The following KIAA1143 variants were observed in gnomAD, a reference collection of about 807,000 sequenced individuals.
The protein encoded by KIAA1143 is KIAA1143.
KIAA1143 carries 8 observed loss-of-function variants against 17.0 expected under a neutral mutation model. That is an observed-to-expected ratio of 0.47 (90% CI 0.28 to 0.85). KIAA1143 has a LOEUF of 0.85. Ranked by LOEUF, KIAA1143 falls within the 40% of genes least tolerant of loss-of-function variation. The pLI, the probability that KIAA1143 is intolerant of heterozygous loss-of-function variation, is 0.12. For synonymous variants in KIAA1143, 64 were observed against 67.8 expected, an observed-to-expected ratio of 0.94 and a Z score of 0.27; for missense variants, 162 against 183.3, an observed-to-expected ratio of 0.88 and a Z score of 0.67.
At chr3:44,754,128 C>A in intron 2 of KIAA1143, 96 bp downstream of exon 2, 25 of 1,299,672 alleles carry the variant, frequency 1.9e-5, no homozygotes, top group Non-Finnish European at 2.7e-5. Flanking sequence ...CCCGGAACTG[C>A]CACCTTGAAA....
At chr3:44,755,009 G>A (rs969160052) in intron 1 of KIAA1143, among the ~76,000 whole-genome samples, 1 of 152,042 alleles carries the variant, frequency 6.6e-6, no homozygotes, top group Non-Finnish European at 1.5e-5. Context: ...TGTACTCCCT[G>A]TATATGTGTA....
intron 1 of KIAA1143, among the ~76,000 whole-genome samples, chr3:44,754,777 A>T (rs1704943840): frequency 6.6e-6 from 1 of 152,226 alleles, no homozygotes; most frequent in East Asian, 1.9e-4. Context: ...GAAAGCAGCA[A>T]GTAAAACGTA....
rs527806223 is a variant in KIAA1143 at position 44,759,894 on chromosome 3, C to CAAAAAAAAAAAAAAAA, written c.108+1585_108+1600dup. On this transcript the variant is annotated intron_variant, in intron 1 of 2. Transcript: ENST00000296121. The stretch of plus-strand genomic sequence containing the variant: ...TGGGCGACAGAGTGAGACCCTATCT[C>CAAAAAAAAAAAAAAAA]AAAAAAAAAAAAAAAAAAAAAGTCC... Among the ~76,000 whole-genome samples, 258 of 51,032 alleles carry CAAAAAAAAAAAAAAAA rather than the reference C, an allele frequency of 5.1e-3. 32 individuals are homozygous for CAAAAAAAAAAAAAAAA. Among genetic ancestry groups the CAAAAAAAAAAAAAAAA allele is most frequent in the Non-Finnish European group, 6.0e-3 (164 of 27,314 alleles). 33.5% of individuals were successfully genotyped at this position (51,032 alleles called of 152,430 possible). A position where few individuals can be genotyped will look rare whatever the true frequency, so the allele number is the denominator to read the frequency against.
chr3:44,754,307 G>A lies in KIAA1143; in HGVS notation c.170C>T (p.Pro57Leu), dbSNP rs1704934337. 6.2e-7 allele frequency: 1 copy of A among 1,613,840 alleles called. No individual in the cohort carries two copies. The highest frequency in any genetic ancestry group is 8.5e-7 in the Non-Finnish European group (1 of 1,179,800). The change falls in exon 2 of 3, where the codon CCT becomes CTT. Residue 57 changes from proline to leucine, a missense_variant. Pro to Leu is a moderately conservative substitution (Grantham distance 98, BLOSUM62 -3). Around this residue, in one of 2 missense-constraint regions of KIAA1143, gnomAD observed 137 missense variants for 132.5 expected, o/e 1.03. Coordinates refer to ENST00000296121, the MANE Select transcript of KIAA1143 (RefSeq NM_020696.4). ...TCCCTTTTTTAAAACCACCACTTGAGGCTGTTCATCTTCTTTGTCACTGTG... is the reference window on the plus strand; with the variant it reads ...TCCCTTTTTTAAAACCACCACTTGAAGCTGTTCATCTTCTTTGTCACTGTG... ...GDHSDKEDEQ[P>L]QVVVLKKGDL... is the part of the protein sequence containing the mutation.
chr3:44,759,894 C>CAAA (rs527806223), intron 1 of KIAA1143, among the ~76,000 whole-genome samples: 1,794 of 51,046 alleles, frequency 0.035, 209 homozygotes, highest in Middle Eastern at 0.1. Context: ...GACCCTATCT[C>CAAA]AAAAAAAAAA....
rs963292894 is a variant in KIAA1143 at position 44,752,306 on chromosome 3, T to A, written c.*1035A>T. 6.6e-6 allele frequency: 1 copy of A among 151,262 alleles called. No individual in the cohort carries two copies. Among genetic ancestry groups the A allele is most frequent in the Non-Finnish European group, 1.5e-5 (1 of 67,540 alleles). 9.4% of individuals were successfully genotyped at this position (151,262 alleles called of 1,614,324 possible). On this transcript the variant is annotated 3_prime_UTR_variant, in exon 3 of 3. Transcript: ENST00000296121. Reference sequence around the variant, plus strand: ...ACCAATCAGACAGGTCACGGGCCACTACTTCATTTACACAGGGTGTACGCC... The same window carrying A: ...ACCAATCAGACAGGTCACGGGCCACAACTTCATTTACACAGGGTGTACGCC...
chr3:44,759,577 T>A (rs1193115943), intron 1 of KIAA1143, among the ~76,000 whole-genome samples: 3 of 152,230 alleles, frequency 2.0e-5, no homozygotes, highest in East Asian at 3.9e-4. Flanking sequence ...TTTGAAAATA[T>A]GAAGCCAGGC....
intron 1 of KIAA1143, among the ~76,000 whole-genome samples, chr3:44,758,723 T>C (rs1423162691): frequency 6.6e-6 from 1 of 152,198 alleles, no homozygotes; most frequent in East Asian, 1.9e-4. Flanking sequence ...TGTTGATATT[T>C]TGCCCTCTTC....
chr3:44,755,095 TAACTC>T (rs773268092), intron 1 of KIAA1143, among the ~76,000 whole-genome samples: 23 of 152,144 alleles, frequency 1.5e-4, no homozygotes, highest in Admixed American at 5.2e-4. Flanking sequence ...TCCCACAACT[TAACTC>T]AAAAAATATC....
At chr3:44,756,606 A>T (rs1429379884) in intron 1 of KIAA1143, among the ~76,000 whole-genome samples, 2 of 152,182 alleles carry the variant, frequency 1.3e-5, no homozygotes, top group African/African-American at 4.8e-5. Flanking sequence ...TAATTATGGA[A>T]TGATTTCCCA....
At position 44,761,520 on chromosome 3, in the gene KIAA1143, C is replaced by T. The variant is rs1705122215; in HGVS notation, c.83G>A (p.Arg28Lys). The change falls in exon 1 of 3, where the codon AGG becomes AAG. Residue 28 changes from arginine (R) to lysine (K), a missense_variant. Around this residue, in one of 2 missense-constraint regions of KIAA1143, gnomAD observed 137 missense variants for 132.5 expected, o/e 1.03. Transcript: ENST00000296121. ...LARFKERVGYREGPTVETKRI... is the reference protein window; with the variant it reads ...LARFKERVGYKEGPTVETKRI... ...CTTAGTCTCTACGGTGGGTCCCTCC[C>T]TGTAGCCGACCCGTTCCTTGAAGCG... The T allele has an allele frequency of 6.2e-7, 1 of 1,613,976 alleles. No individual in the cohort carries two copies. Among genetic ancestry groups the T allele is most frequent in the Non-Finnish European group, 8.5e-7 (1 of 1,179,980 alleles).
intron 1 of KIAA1143, among the ~76,000 whole-genome samples, chr3:44,760,467 G>A (rs1326382535): frequency 6.6e-6 from 1 of 151,552 alleles, no homozygotes; most frequent in Non-Finnish European, 1.5e-5. Context: ...TCGGCTCACT[G>A]CAAGCTCCTC....
In KIAA1143 at chr3:44,750,423, A is replaced by G. The variant is rs960236510; in HGVS notation, c.*2918T>C. On this transcript the variant is annotated 3_prime_UTR_variant, in exon 3 of 3. Coordinates refer to ENST00000296121, the MANE Select transcript of KIAA1143 (RefSeq NM_020696.4). ...ATTGTATGAGAGTTCTAAAATTCTG[A>G]TATGTCTTAATATATGTTGTAATGA... The G allele has an allele frequency of 1.3e-5, 2 of 150,696 alleles. No individual in the cohort carries two copies. The highest frequency in any genetic ancestry group is 3.0e-5 in the Non-Finnish European group (2 of 67,758). The allele number at this position is 150,696 out of a possible 1,614,324, so 9.3% of individuals were successfully genotyped here. A position where few individuals can be genotyped will look rare whatever the true frequency, so the allele number is the denominator to read the frequency against.
intron 1 of KIAA1143, among the ~76,000 whole-genome samples, chr3:44,759,328 T>A (rs1174175187): frequency 6.6e-6 from 1 of 152,172 alleles, no homozygotes; most frequent in Admixed American, 6.5e-5. Flanking sequence ...CAATAATATA[T>A]TGAAAGAATC....
At chr3:44,754,427 T>C in intron 1 of KIAA1143, 59 bp from the exon 2 acceptor site, 1 of 1,467,414 alleles carries the variant, frequency 6.8e-7, no homozygotes, top group Non-Finnish European at 9.4e-7. Flanking sequence ...ACAGAACCAC[T>C]GCCTCTAAGA....
At position 44,761,560 on chromosome 3, in the gene KIAA1143, G is replaced by C. The variant is rs1705125186; in HGVS notation, c.43C>G (p.Pro15Ala). 9 of 1,614,150 alleles carry C rather than the reference G, an allele frequency of 5.6e-6. No homozygotes were observed. Among genetic ancestry groups the C allele is most frequent in the Non-Finnish European group, 6.8e-6 (8 of 1,180,042 alleles). The change falls in exon 1 of 3, where the codon CCG becomes GCG. Residue 15 changes from proline (P) to alanine (A), a missense_variant. By Grantham distance (27) the Pro-to-Ala change is conservative. Transcript: ENST00000296121. ...TCCTTGAAGCGGGCCAGAAACGCCGGCTCGGCTGGCCGCACGTACGATACC... is the reference window on the plus strand; with the variant it reads ...TCCTTGAAGCGGGCCAGAAACGCCGCCTCGGCTGGCCGCACGTACGATACC... ...NQVSYVRPAE[P>A]AFLARFKERV... is the part of the protein sequence containing the mutation.
Position 44,756,159 on chromosome 3 carries a change from C to CT in KIAA1143, c.109-1792dup, listed in dbSNP as rs200855529. On this transcript the variant is annotated intron_variant, in intron 1 of 2. Coordinates refer to ENST00000296121, the MANE Select transcript of KIAA1143 (RefSeq NM_020696.4). ...GAATAATTAATTCTGACTCTCTTCTCTTTTTTTCTTTTTAAATGTGACTGC... is the reference window on the plus strand; with the variant it reads ...GAATAATTAATTCTGACTCTCTTCTCTTTTTTTTCTTTTTAAATGTGACTGC... 3.0e-4 allele frequency among the ~76,000 whole-genome samples: 45 copies of CT among 152,288 alleles called. No individual in the cohort carries two copies. In the East Asian group the frequency reaches 7.1e-3, roughly 24 times the overall value.
chr3:44,753,489 T>C lies in KIAA1143; in HGVS notation c.317A>G (p.Asp106Gly), dbSNP rs758786053. 5 of 1,612,616 alleles carry C rather than the reference T, an allele frequency of 3.1e-6. No homozygotes were observed. The South Asian group carries it at 4.4e-5, about 14-fold the overall frequency. ...IYRKPVKHPS[D>G]EKYSGLTASS... ...TGCTGTTAAACCTGAATATTTTTCA[T>C]CTGAGGGATGCTTGACTGGTTTTCG... is the stretch of plus-strand genomic sequence containing the variant. Residue 106 changes from aspartate to glycine, a missense_variant, in exon 3 of 3, where the codon GAT (aspartate) becomes GGT (glycine). This residue lies in a region of KIAA1143 where 137 missense variants were observed against 132.5 expected (regional missense o/e 1.03). Coordinates refer to ENST00000296121, the MANE Select transcript of KIAA1143 (RefSeq NM_020696.4).
rs1196647026 is a variant in KIAA1143 at position 44,751,222 on chromosome 3, A to C, written c.*2119T>G. ...GTGGAAGTGGTAGACTGGAGACAGA[A>C]ATATTGTATGTCCCTAAATTAATAT... On this transcript the variant is annotated 3_prime_UTR_variant, in exon 3 of 3. Coordinates refer to ENST00000296121, the MANE Select transcript of KIAA1143 (RefSeq NM_020696.4). 6.6e-6 allele frequency: 1 copy of C among 152,100 alleles called. No homozygotes were observed. Among genetic ancestry groups the C allele is most frequent in the African/African-American group, 2.4e-5 (1 of 41,402 alleles). The allele number at this position is 152,100 out of a possible 1,614,324, so 9.4% of individuals were successfully genotyped here. A position where few individuals can be genotyped will look rare whatever the true frequency, so the allele number is the denominator to read the frequency against.
Sources: allele counts gnomAD v4.1 joint callset (sites outside exome capture counted in the v4.1 genomes callset), GRCh38; gene constraint gnomAD v4.1.1; regional missense constraint gnomAD v4.1.1; transcripts MANE v1.5; gene names NCBI Gene and HGNC (gene_info 2026-07-23, HGNC 2026-07-21).